PTPRB: variants seen among roughly 807,000 people sequenced by gnomAD.
PTPRB encodes protein tyrosine phosphatase receptor type B.
PTPRB carries 97 observed loss-of-function variants against 238.1 expected under a neutral mutation model. That is an observed-to-expected ratio of 0.41 (90% CI 0.35 to 0.48). The LOEUF is 0.48. Among genes scored for constraint, PTPRB ranks in the 20% least tolerant of loss-of-function variants. PTPRB has a pLI of 0.30. For missense variants in PTPRB, 2,292 were observed against 2,681.9 expected (o/e 0.85, Z 3.21); for synonymous variants, 970 against 995.4 (o/e 0.97, Z 0.48).
chr12:70,535,075 T>C (rs1361744418), intron 29 of PTPRB, 120 bp from the exon 30 acceptor site: 1 of 1,163,832 alleles, frequency 8.6e-7, no homozygotes, highest in Non-Finnish European at 1.2e-6. Flanking sequence ...GCTAAAGCAA[T>C]TTGACCATCT....
At chr12:70,574,050 C>CA (rs1880418079) in intron 11 of PTPRB, among the ~76,000 whole-genome samples, 1 of 152,142 alleles carries the variant, frequency 6.6e-6, no homozygotes, top group African/African-American at 2.4e-5. Context: ...GGACATTATA[C>CA]ATATTAATGA....
Position 70,595,995 on chromosome 12 carries a change from A to G in PTPRB, c.1258+54T>C, listed in dbSNP as rs993217960. On this transcript the variant is annotated intron_variant, in intron 5 of 33. Coordinates refer to ENST00000334414, the MANE Select transcript of PTPRB (RefSeq NM_001109754.4). ...CTTACTCCTATTCCTTGAATAAAGT[A>G]TAACTTGAAAAGTATCCTATTAACT... 3.6e-6 allele frequency: 5 copies of G among 1,391,886 alleles called. No individual in the cohort carries two copies. The African/African-American group carries it at 5.8e-5, about 16-fold the overall frequency. The allele number at this position is 1,391,886 out of a possible 1,614,324, so 86.2% of individuals were successfully genotyped here.
chr12:70,569,610 A>G, intron 14 of PTPRB, 65 bp downstream of exon 14: 4 of 1,585,518 alleles, frequency 2.5e-6, no homozygotes, highest in Middle Eastern at 2.2e-4. Context: ...GAGCCCGTTC[A>G]CTGTCCCATT....
intron 3 of PTPRB, among the ~76,000 whole-genome samples, chr12:70,619,966 A>C (rs1365590415): frequency 1.3e-5 from 2 of 152,210 alleles, no homozygotes; most frequent in Non-Finnish European, 2.9e-5. Context: ...TATAAAGTTA[A>C]AGCTCTTGCT....
chr12:70,572,231 A>C, intron 11 of PTPRB, 144 bp from the exon 12 acceptor site: 2 of 833,488 alleles, frequency 2.4e-6, no homozygotes, highest in Non-Finnish European at 3.7e-6. Context: ...TAGGTTACAA[A>C]TTTCTGGAGG....
At chr12:70,604,841 T>A (rs1000152810) in intron 4 of PTPRB, among the ~76,000 whole-genome samples, 3 of 152,114 alleles carry the variant, frequency 2.0e-5, no homozygotes, top group Non-Finnish European at 4.4e-5. Context: ...AAAGGTGCCA[T>A]TTGCAGGCCA....
At chr12:70,579,058 A>G (rs1213963479) in intron 10 of PTPRB, among the ~76,000 whole-genome samples, 1 of 152,198 alleles carries the variant, frequency 6.6e-6, no homozygotes, top group Non-Finnish European at 1.5e-5. Flanking sequence ...GAGGCATCCA[A>G]TCATGAACAC....
At chr12:70,570,330 T>C (rs1475576761) in intron 13 of PTPRB, among the ~76,000 whole-genome samples, 1 of 152,010 alleles carries the variant, frequency 6.6e-6, no homozygotes, top group Non-Finnish European at 1.5e-5. Flanking sequence ...GTTGTGAAGA[T>C]TGATTCTTTT....
intron 16 of PTPRB, among the ~76,000 whole-genome samples, 193 bp from the exon 17 acceptor site, chr12:70,561,127 A>T (rs919966616): frequency 1.3e-5 from 2 of 152,234 alleles, no homozygotes; most frequent in Admixed American, 6.5e-5. Flanking sequence ...AACAAAACAA[A>T]CCAGGTGGTG....
rs34024434 is a variant in PTPRB at position 70,559,818 on chromosome 12, T to TA, written c.4433-195dup. ...AGGCACTGTCTTCGAGCATTTTATG[T>TA]ACTTTTTTTTTTTTTTTTTCACTTT... On this transcript the variant is annotated intron_variant, in intron 17 of 33. Coordinates refer to ENST00000334414, the MANE Select transcript of PTPRB (RefSeq NM_001109754.4). Among the ~76,000 whole-genome samples, 501 of 111,382 alleles carry TA rather than the reference T, an allele frequency of 4.5e-3. 1 individual carries two copies. The highest frequency in any genetic ancestry group is 7.1e-3 in the South Asian group (21 of 2,958). 73.1% of individuals were successfully genotyped at this position (111,382 alleles called of 152,430 possible).
At chr12:70,528,612 C>T (rs1490625971) in intron 32 of PTPRB, among the ~76,000 whole-genome samples, 3 of 152,038 alleles carry the variant, frequency 2.0e-5, no homozygotes, top group Non-Finnish European at 2.9e-5. Flanking sequence ...TTGAGTCTAG[C>T]CTGGTGAACA....
chr12:70,519,009 TAATA>T lies in PTPRB; in HGVS notation c.*2476_*2479del, dbSNP rs1415487444. On this transcript the variant is annotated 3_prime_UTR_variant, in exon 34 of 34. Transcript: ENST00000334414. ...GAAAACTTTTTTTTTCTCCTAAATTTAATAAATAAGTCAATTATATATTTAGTCT... is the reference window on the plus strand; with the variant it reads ...GAAAACTTTTTTTTTCTCCTAAATTTAATAAGTCAATTATATATTTAGTCT... The T allele has an allele frequency of 1.4e-4, 22 of 152,192 alleles. No homozygotes were observed. The highest frequency in any genetic ancestry group is 5.3e-4 in the African/African-American group (22 of 41,450). 9.4% of individuals were successfully genotyped at this position (152,192 alleles called of 1,614,324 possible). A position where few individuals can be genotyped will look rare whatever the true frequency, so the allele number is the denominator to read the frequency against.
At position 70,586,381 on chromosome 12, in the gene PTPRB, C is replaced by T. The variant is rs111758795; in HGVS notation, c.2311+626G>A. 9.5e-3 allele frequency among the ~76,000 whole-genome samples: 1,443 copies of T among 152,260 alleles called. 26 individuals carry two copies. The highest frequency in any genetic ancestry group is 0.033 in the African/African-American group (1,360 of 41,524). On this transcript the variant is annotated intron_variant, in intron 9 of 33. Coordinates refer to ENST00000334414, the MANE Select transcript of PTPRB (RefSeq NM_001109754.4). ...CATGATTATAAGTTTCCTGAGGCCT[C>T]CCTAGTCATGTGGAACTGTGAGTCA...
At chr12:70,577,586 T>C (rs1383957893) in intron 10 of PTPRB, among the ~76,000 whole-genome samples, 2 of 152,204 alleles carry the variant, frequency 1.3e-5, no homozygotes, top group Non-Finnish European at 2.9e-5. Flanking sequence ...ACACTACTGT[T>C]TTAATCATTA....
At position 70,559,423 on chromosome 12, in the gene PTPRB, G is replaced by A. The variant is rs1332952640; in HGVS notation, c.4634C>T (p.Ser1545Phe). The A allele has an allele frequency of 6.2e-7, 1 of 1,613,912 alleles. No homozygotes were observed. Among genetic ancestry groups the A allele is most frequent in the Non-Finnish European group, 8.5e-7 (1 of 1,179,814 alleles). ...GACAGTCTTGACGTTGAATTGATAGGATCTCCCTGGACGAAGACCATACAC... is the reference window on the plus strand; with the variant it reads ...GACAGTCTTGACGTTGAATTGATAGAATCTCCCTGGACGAAGACCATACAC... Reference protein sequence around the residue: ...RIVYGLRPGRSYQFNVKTVSG... With the variant: ...RIVYGLRPGRFYQFNVKTVSG... Residue 1545 changes from serine (S) to phenylalanine (F), a missense_variant, in exon 18 of 34, where the codon TCC (serine) becomes TTC (phenylalanine). This residue lies in a region of PTPRB where 683 missense variants were observed against 862.0 expected (regional missense o/e 0.79). Transcript: ENST00000334414.
intron 19 of PTPRB, among the ~76,000 whole-genome samples, chr12:70,555,538 T>G (rs1565936353): frequency 6.6e-6 from 1 of 152,158 alleles, no homozygotes; most frequent in African/African-American, 2.4e-5. Context: ...AAGAGGTAGC[T>G]CTTCAGCAGA....
At chr12:70,557,843 A>C (rs1279236490) in intron 18 of PTPRB, among the ~76,000 whole-genome samples, 1 of 152,166 alleles carries the variant, frequency 6.6e-6, no homozygotes. Context: ...GGCGAACACC[A>C]ATGCTATAGT....
intron 28 of PTPRB, among the ~76,000 whole-genome samples, chr12:70,537,274 A>G (rs1874286231): frequency 8.1e-6 from 1 of 123,392 alleles, no homozygotes; most frequent in African/African-American, 3.2e-5. Flanking sequence ...CAGACAGAGC[A>G]AGACCATCTC....
chr12:70,603,558 G>A (rs1254611013), intron 4 of PTPRB, among the ~76,000 whole-genome samples: 2 of 152,160 alleles, frequency 1.3e-5, no homozygotes, highest in Non-Finnish European at 2.9e-5. Flanking sequence ...CAGAGTTCAA[G>A]TTCTGACTCT....
Sources: allele counts gnomAD v4.1 joint callset (sites outside exome capture counted in the v4.1 genomes callset), GRCh38; gene constraint gnomAD v4.1.1; regional missense constraint gnomAD v4.1.1; transcripts MANE v1.5; gene names NCBI Gene and HGNC (gene_info 2026-07-23, HGNC 2026-07-21).